ZNF423: variants seen among roughly 807,000 people sequenced by gnomAD.
ZNF423 encodes zinc finger protein 423.
In ZNF423, 12 loss-of-function variants were observed where a neutral mutation model predicts 95.8. The ratio of observed to expected loss-of-function variants is 0.13; its 90% CI spans 0.08 to 0.20. ZNF423 has a LOEUF of 0.20. Among genes scored for constraint, ZNF423 ranks in the 10% least tolerant of loss-of-function variants. The pLI, the probability that ZNF423 is intolerant of heterozygous loss-of-function variation, is 1.00. For missense variants in ZNF423, 1,316 were observed against 1,737.1 expected, an observed-to-expected ratio of 0.76 and a Z score of 4.31; for synonymous variants, 749 against 711.9, an observed-to-expected ratio of 1.05 and a Z score of -0.83.
At chr16:49,781,677 C>A (rs1208251251) in intron 2 of ZNF423, among the ~76,000 whole-genome samples, 2 of 152,162 alleles carry the variant, frequency 1.3e-5, no homozygotes. Context: ...GTGAAAGGCC[C>A]GGGCTTCTGG....
intron 1 of ZNF423, among the ~76,000 whole-genome samples, chr16:49,839,269 C>CCCAGACACTTCCT (rs2035157274): frequency 6.6e-6 from 1 of 152,074 alleles, no homozygotes; most frequent in Non-Finnish European, 1.5e-5. Flanking sequence ...GGCCCCCACA[C>CCCAGACACTTCCT]CCAGACACTT....
rs1325349215 is a variant in ZNF423, at chr16:49,644,140, G to A, written c.302-5266C>T. ...CTCGGGCCAAGGCAGGAGAGTGACT[G>A]GCCCACAGACTCACAGGAGTGGGCC... is the stretch of plus-strand genomic sequence containing the variant. On this transcript the variant is annotated intron_variant, in intron 3 of 7. Coordinates refer to ENST00000563137, the MANE Select transcript of ZNF423 (RefSeq NM_001379286.1). Among the ~76,000 whole-genome samples the A allele has an allele frequency of 2.0e-5, 3 of 152,188 alleles. No homozygotes were observed. In the East Asian group the frequency reaches 5.8e-4, roughly 29 times the overall value.
intron 3 of ZNF423, among the ~76,000 whole-genome samples, chr16:49,717,537 C>A (rs1431613299): frequency 1.3e-5 from 2 of 152,230 alleles, no homozygotes; most frequent in East Asian, 1.9e-4. Flanking sequence ...TTGACCTGAG[C>A]CAAAAGCCAT....
chr16:49,825,785 A>G (rs1053199918), intron 1 of ZNF423, among the ~76,000 whole-genome samples: 1 of 152,190 alleles, frequency 6.6e-6, no homozygotes, highest in African/African-American at 2.4e-5. Flanking sequence ...TGAATGAACG[A>G]AGTGGTCAGA....
At chr16:49,568,809 G>A (rs1970272045) in intron 5 of ZNF423, among the ~76,000 whole-genome samples, 1 of 152,106 alleles carries the variant, frequency 6.6e-6, no homozygotes, top group African/African-American at 2.4e-5. Flanking sequence ...TTGAGCCACT[G>A]TTGGCTGCAG....
In ZNF423 at chr16:49,636,605, G is replaced by C; in HGVS notation, c.2571C>G (p.Ala857=). The change falls in exon 4 of 8, where the codon GCC becomes GCG. Residue 857 remains alanine (A), a synonymous_variant. Transcript: ENST00000563137. This position sits in a 1 kb window ranked among gnomAD's most constrained non-coding sequence, Gnocchi z 8.6. The part of the protein sequence containing the change: ...NGTANGVPPM[A]TKKAEPADLQ... ...GGTCAGCAGGCTCAGCTTTCTTGGTGGCCATTGGGGGTACCCCATTGGCCG... is the reference window on the plus strand; with the variant it reads ...GGTCAGCAGGCTCAGCTTTCTTGGTCGCCATTGGGGGTACCCCATTGGCCG... The C allele has an allele frequency of 6.2e-7, 1 of 1,613,864 alleles. No individual in the cohort carries two copies. The highest frequency in any genetic ancestry group is 8.5e-7 in the Non-Finnish European group (1 of 1,179,936).
chr16:49,612,330 C>T (rs1971751103), intron 5 of ZNF423, among the ~76,000 whole-genome samples: 1 of 149,376 alleles, frequency 6.7e-6, no homozygotes, highest in African/African-American at 2.5e-5. Flanking sequence ...AAGGCTTACT[C>T]AATATTTGAA....
At chr16:49,644,001 C>T (rs1290210994) in intron 3 of ZNF423, among the ~76,000 whole-genome samples, 3 of 152,224 alleles carry the variant, frequency 2.0e-5, no homozygotes, top group African/African-American at 4.8e-5. Context: ...AAAACTGCCT[C>T]GGACACACCT....
intron 5 of ZNF423, among the ~76,000 whole-genome samples, chr16:49,621,585 T>A (rs1307424993): frequency 6.6e-6 from 1 of 152,078 alleles, no homozygotes; most frequent in African/African-American, 2.4e-5. Flanking sequence ...TGCCCTGAGT[T>A]TATGAGAAGG....
At chr16:49,828,906 G>C (rs1046122035) in intron 1 of ZNF423, among the ~76,000 whole-genome samples, 3 of 152,234 alleles carry the variant, frequency 2.0e-5, no homozygotes, top group African/African-American at 7.2e-5. Context: ...CTTCATGGCA[G>C]GCTGGCCTGT....
At chr16:49,853,887 A>T in intron 1 of ZNF423, 8 of 985,368 alleles carry the variant, frequency 8.1e-6, no homozygotes, top group Non-Finnish European at 9.6e-6. Context: ...CTAGGTAAGC[A>T]AGCTTTGCAA....
chr16:49,814,653 A>G (rs1017305577), intron 1 of ZNF423, among the ~76,000 whole-genome samples: 2 of 151,946 alleles, frequency 1.3e-5, no homozygotes, highest in Non-Finnish European at 2.9e-5. Flanking sequence ...TTGGCTTGCT[A>G]TAAGATTTGT....
intron 2 of ZNF423, among the ~76,000 whole-genome samples, chr16:49,776,010 C>T (rs745947757): frequency 8.5e-5 from 13 of 152,236 alleles, no homozygotes; most frequent in Non-Finnish European, 1.2e-4. Flanking sequence ...CCTGCCTGAC[C>T]CTGTCCTTGG....
At chr16:49,787,823 C>T (rs989448942) in intron 2 of ZNF423, among the ~76,000 whole-genome samples, 3 of 152,164 alleles carry the variant, frequency 2.0e-5, no homozygotes, top group African/African-American at 7.2e-5. Flanking sequence ...GAAGGAGGAC[C>T]TTCTGTAGAC....
At chr16:49,575,796 G>A (rs1326883237) in intron 5 of ZNF423, among the ~76,000 whole-genome samples, 3 of 152,198 alleles carry the variant, frequency 2.0e-5, no homozygotes, top group South Asian at 2.1e-4. Context: ...AGGACCAGGT[G>A]AGGCCTGGCC....
chr16:49,562,548 T>G (rs1156930628), intron 5 of ZNF423, among the ~76,000 whole-genome samples: 1 of 152,104 alleles, frequency 6.6e-6, no homozygotes, highest in Admixed American at 6.5e-5. Flanking sequence ...AAAAGTACAG[T>G]CTGGAAACTA....
intron 3 of ZNF423, among the ~76,000 whole-genome samples, chr16:49,714,220 T>C (rs1377363998): frequency 6.6e-6 from 1 of 152,190 alleles, no homozygotes; most frequent in East Asian, 1.9e-4. Context: ...ACCTCACACA[T>C]GATGGTATGA....
intron 3 of ZNF423, among the ~76,000 whole-genome samples, chr16:49,722,469 T>C (rs1353818960): frequency 6.6e-6 from 1 of 152,216 alleles, no homozygotes; most frequent in Non-Finnish European, 1.5e-5. Context: ...TGAGCTACCT[T>C]TTATAATAGC....
intron 4 of ZNF423, among the ~76,000 whole-genome samples, chr16:49,633,642 G>A (rs1344706838): frequency 6.6e-6 from 1 of 152,184 alleles, no homozygotes; most frequent in East Asian, 1.9e-4. Context: ...CTGACTCCAA[G>A]GCCAAAACAT....
Sources: gnomAD v4.1 joint callset for allele counts (sites outside exome capture counted in the v4.1 genomes callset) on GRCh38, gnomAD v4.1.1 for gene constraint, Gnocchi (gnomAD v3.1) non-coding constraint, MANE v1.5 for transcripts, NCBI Gene and HGNC (gene_info 2026-07-23, HGNC 2026-07-21) for gene names.